SIL1: variants seen among roughly 807,000 people sequenced by gnomAD.
SIL1 encodes the protein SIL1 nucleotide exchange factor.
SIL1 carries 40 observed loss-of-function variants against 49.1 expected under a neutral mutation model. That is an observed-to-expected ratio of 0.81 (90% CI 0.63 to 1.06). SIL1 has a LOEUF of 1.06. SIL1 is among the 50% of genes least tolerant of loss of function. The probability of loss-of-function intolerance (pLI) is 0.00; values close to 1 mark genes in which losing one functional copy is unlikely to be tolerated. For missense variants in SIL1, 500 were observed against 572.6 expected, an observed-to-expected ratio of 0.87 and a Z score of 1.29; for synonymous variants, 253 against 250.8, an observed-to-expected ratio of 1.01 and a Z score of -0.08.
intron 7 of SIL1, among the ~76,000 whole-genome samples, chr5:138,979,663 C>A (rs887850226): frequency 6.6e-6 from 1 of 152,274 alleles, no homozygotes; most frequent in Non-Finnish European, 1.5e-5. Flanking sequence ...GTCACCATAC[C>A]CGGCTAATTC....
intron 7 of SIL1, among the ~76,000 whole-genome samples, chr5:138,992,503 T>C (rs1160943834): frequency 6.6e-6 from 1 of 152,192 alleles, no homozygotes; most frequent in Non-Finnish European, 1.5e-5. Context: ...AGGCTCCTTT[T>C]CCACAGCCAG....
chr5:139,046,146 G>A (rs1201397573), intron 4 of SIL1, among the ~76,000 whole-genome samples: 17 of 152,300 alleles, frequency 1.1e-4, no homozygotes, highest in Non-Finnish European at 1.2e-4. Flanking sequence ...GGCCAACATG[G>A]TGAAACTCCG....
chr5:139,121,814 A>C (rs1449763513), intron 2 of SIL1, among the ~76,000 whole-genome samples: 1 of 152,112 alleles, frequency 6.6e-6, no homozygotes, highest in Non-Finnish European at 1.5e-5. Flanking sequence ...CACTTCCTAA[A>C]ACCTGTTGCC....
At chr5:139,162,945 G>C (rs1751543137) in intron 1 of SIL1, among the ~76,000 whole-genome samples, 1 of 152,014 alleles carries the variant, frequency 6.6e-6, no homozygotes, top group African/African-American at 2.4e-5. Context: ...AATAACAGCA[G>C]AACTGAGCTG....
intron 7 of SIL1, among the ~76,000 whole-genome samples, chr5:138,990,931 G>A (rs10077884): frequency 0.021 from 3,267 of 152,298 alleles, 124 homozygotes; most frequent in African/African-American, 0.076. Flanking sequence ...GGCCAGGCTC[G>A]TCTCAAACTC....
chr5:138,963,367 C>T (rs1011869316), intron 7 of SIL1, among the ~76,000 whole-genome samples: 1 of 152,226 alleles, frequency 6.6e-6, no homozygotes, highest in Non-Finnish European at 1.5e-5. Flanking sequence ...CATGATAAAT[C>T]TCACTGTGTG....
intron 1 of SIL1, among the ~76,000 whole-genome samples, chr5:139,133,757 C>T (rs900018602): frequency 2.6e-5 from 4 of 152,230 alleles, no homozygotes; most frequent in Non-Finnish European, 5.9e-5. Flanking sequence ...TGTTATTAAC[C>T]TACACTGTAT....
At chr5:139,130,913 G>A (rs1197212876) in intron 1 of SIL1, among the ~76,000 whole-genome samples, 1 of 152,116 alleles carries the variant, frequency 6.6e-6, no homozygotes, top group African/African-American at 2.4e-5. Context: ...GAAATATTTA[G>A]AACAGACAAA....
intron 7 of SIL1, among the ~76,000 whole-genome samples, chr5:138,976,467 C>A (rs1268739424): frequency 6.6e-6 from 1 of 152,064 alleles, no homozygotes; most frequent in Non-Finnish European, 1.5e-5. Flanking sequence ...CACGCGCCAC[C>A]ATACCTGGCT....
intron 3 of SIL1, among the ~76,000 whole-genome samples, chr5:139,102,968 C>G (rs1353519815): frequency 1.3e-5 from 2 of 152,152 alleles, no homozygotes; most frequent in Admixed American, 1.3e-4. Flanking sequence ...CCTGCCTCAG[C>G]CTCCCAAAGT....
At chr5:138,956,495 G>A (rs1766905341) in intron 7 of SIL1, among the ~76,000 whole-genome samples, 1 of 152,194 alleles carries the variant, frequency 6.6e-6, no homozygotes, top group Non-Finnish European at 1.5e-5. Context: ...TGTAATCCCA[G>A]CACTTTGGGA....
intron 5 of SIL1, among the ~76,000 whole-genome samples, chr5:139,038,002 T>A (rs1001841042): frequency 2.0e-5 from 3 of 152,240 alleles, no homozygotes; most frequent in Non-Finnish European, 1.5e-5. Context: ...GATAATCACC[T>A]TCTAGCTGTG....
At chr5:139,181,972 A>G (rs1039787670) in intron 1 of SIL1, among the ~76,000 whole-genome samples, 7 of 152,116 alleles carry the variant, frequency 4.6e-5, no homozygotes, top group Non-Finnish European at 8.8e-5. Flanking sequence ...ACTGTAATAC[A>G]CAGTTTTTGT....
chr5:139,061,424 T>G (rs1451015842), intron 3 of SIL1, among the ~76,000 whole-genome samples: 1 of 152,190 alleles, frequency 6.6e-6, no homozygotes, highest in African/African-American at 2.4e-5. Context: ...TCCAGGGACT[T>G]CCAGTCATAC....
At chr5:139,134,269 C>T (rs1208011374) in intron 1 of SIL1, among the ~76,000 whole-genome samples, 1 of 152,176 alleles carries the variant, frequency 6.6e-6, no homozygotes, top group Non-Finnish European at 1.5e-5. Flanking sequence ...TACCGAGTAG[C>T]AGATATGGTG....
At chr5:139,007,340 T>A (rs1390901970) in intron 7 of SIL1, among the ~76,000 whole-genome samples, 140 of 137,500 alleles carry the variant, frequency 1.0e-3, no homozygotes, top group Non-Finnish European at 1.6e-3. Context: ...AAGTTGCTGA[T>A]CAGCTTAAGG....
At chr5:139,140,172 A>G (rs1751053001) in intron 1 of SIL1, among the ~76,000 whole-genome samples, 1 of 151,996 alleles carries the variant, frequency 6.6e-6, no homozygotes, top group South Asian at 2.1e-4. Flanking sequence ...CGGGAGCCTG[A>G]GGCAAGAGAA....
At chr5:139,058,891 T>A (rs957885654) in intron 3 of SIL1, among the ~76,000 whole-genome samples, 1 of 151,972 alleles carries the variant, frequency 6.6e-6, no homozygotes, top group African/African-American at 2.4e-5. Flanking sequence ...GAAGCCAAGA[T>A]CTGGATGCTA....
chr5:139,111,741 A>T (rs906618654), intron 3 of SIL1, among the ~76,000 whole-genome samples: 5 of 152,130 alleles, frequency 3.3e-5, no homozygotes, highest in African/African-American at 1.2e-4. Flanking sequence ...AGGAGTTTAC[A>T]TCATCTTTCT....
Sources: allele counts gnomAD v4.1 joint callset (sites outside exome capture counted in the v4.1 genomes callset), GRCh38; gene constraint gnomAD v4.1.1; transcripts MANE v1.5; gene names NCBI Gene and HGNC (gene_info 2026-07-23, HGNC 2026-07-21).